Variants in PKIB observed in about 807,000 individuals in gnomAD.
PKIB encodes the protein cAMP-dependent protein kinase inhibitor beta, also known as PKI-beta.
In PKIB, 2 loss-of-function variants were observed where a neutral mutation model predicts 4.5. The observed-to-expected ratio is 0.44, with a 90% CI of 0.18 to 1.39. The LOEUF (loss-of-function observed/expected upper bound fraction) is 1.39, where lower values mean the gene tolerates loss of function less well. PKIB is among the 40% of genes most tolerant of loss of function. The pLI, the probability that PKIB is intolerant of heterozygous loss-of-function variation, is 0.27. For synonymous variants in PKIB, 38 were observed against 36.0 expected (o/e 1.06, Z -0.20); for missense variants, 94 against 92.6 (o/e 1.02, Z -0.06).
intron 3 of PKIB, among the ~76,000 whole-genome samples, chr6:122,707,331 A>G (rs1291892646): frequency 1.3e-5 from 2 of 152,172 alleles, no homozygotes; most frequent in South Asian, 2.1e-4. Context: ...ATAACTTAGA[A>G]AACAAATCAG....
At chr6:122,628,591 C>T (rs1210838297) in intron 1 of PKIB, among the ~76,000 whole-genome samples, 2 of 151,972 alleles carry the variant, frequency 1.3e-5, no homozygotes, top group African/African-American at 4.8e-5. Flanking sequence ...CAAAGTATGC[C>T]CTGTGCATTA....
intron 1 of PKIB, among the ~76,000 whole-genome samples, chr6:122,473,265 G>A (rs1318545362): frequency 6.6e-6 from 1 of 152,178 alleles, no homozygotes; most frequent in Non-Finnish European, 1.5e-5. Flanking sequence ...ACACTTATAT[G>A]TGAGTAACTT....
At chr6:122,489,608 C>A (rs1775881014) in intron 2 of PKIB, among the ~76,000 whole-genome samples, 1 of 152,190 alleles carries the variant, frequency 6.6e-6, no homozygotes, top group South Asian at 2.1e-4. Context: ...GTTAGGCTTT[C>A]CTGGACTGGC....
At chr6:122,698,035 C>A (rs1398791999) in intron 3 of PKIB, among the ~76,000 whole-genome samples, 1 of 152,126 alleles carries the variant, frequency 6.6e-6, no homozygotes, top group Admixed American at 6.6e-5. Context: ...ATGGCCAGGG[C>A]ATCCATTGCC....
At chr6:122,712,518 G>A (rs193082921) in intron 3 of PKIB, among the ~76,000 whole-genome samples, 1 of 152,158 alleles carries the variant, frequency 6.6e-6, no homozygotes, top group South Asian at 2.1e-4. Context: ...GTTATCAGGG[G>A]AGACCAGTGT....
intron 2 of PKIB, among the ~76,000 whole-genome samples, chr6:122,514,014 G>A (rs1336527358): frequency 6.6e-6 from 1 of 152,180 alleles, no homozygotes; most frequent in African/African-American, 2.4e-5. Context: ...CATCCTTGGT[G>A]ATTTAAAGTT....
At chr6:122,594,751 T>C (rs913789944) in intron 3 of PKIB, among the ~76,000 whole-genome samples, 1 of 152,194 alleles carries the variant, frequency 6.6e-6, no homozygotes, top group African/African-American at 2.4e-5. Flanking sequence ...GGACCATTTG[T>C]AGTCCTGCCT....
intron 3 of PKIB, among the ~76,000 whole-genome samples, chr6:122,601,856 G>A (rs910824381): frequency 2.0e-5 from 3 of 152,082 alleles, no homozygotes; most frequent in Admixed American, 2.0e-4. Flanking sequence ...TGTTCTGGGG[G>A]AGTCAAAAGT....
intron 2 of PKIB, among the ~76,000 whole-genome samples, chr6:122,498,006 C>T (rs577092185): frequency 1.3e-5 from 2 of 152,250 alleles, no homozygotes; most frequent in South Asian, 2.1e-4. Context: ...CAAAATAATA[C>T]CAACCATACT....
intron 2 of PKIB, among the ~76,000 whole-genome samples, chr6:122,556,224 T>G (rs1369213643): frequency 6.6e-6 from 1 of 152,140 alleles, no homozygotes; most frequent in Admixed American, 6.5e-5. Context: ...AAGGACGTGT[T>G]TTCTTCCCCT....
chr6:122,584,931 C>A (rs901800675), intron 2 of PKIB, among the ~76,000 whole-genome samples: 9 of 151,710 alleles, frequency 5.9e-5, no homozygotes, highest in African/African-American at 2.2e-4. Flanking sequence ...TGTCAGTTTA[C>A]CATTGCCATG....
intron 4 of PKIB, among the ~76,000 whole-genome samples, chr6:122,722,834 G>T (rs1779796779): frequency 6.6e-6 from 1 of 152,008 alleles, no homozygotes; most frequent in South Asian, 2.1e-4. Context: ...TGCTTCTGTG[G>T]CTCCAAATCT....
intron 3 of PKIB, among the ~76,000 whole-genome samples, chr6:122,600,206 G>C (rs1357912802): frequency 1.3e-5 from 2 of 152,148 alleles, no homozygotes; most frequent in Non-Finnish European, 2.9e-5. Context: ...GGAGAAAGAT[G>C]TAGGCTGGGA....
intron 4 of PKIB, among the ~76,000 whole-genome samples, chr6:122,723,637 C>T (rs1352719059): frequency 6.6e-6 from 1 of 152,070 alleles, no homozygotes; most frequent in Non-Finnish European, 1.5e-5. Context: ...GCTTGCAAAT[C>T]CTTCCTGCAT....
intron 3 of PKIB, among the ~76,000 whole-genome samples, chr6:122,703,243 G>A (rs985424726): frequency 6.6e-6 from 1 of 151,906 alleles, no homozygotes; most frequent in African/African-American, 2.4e-5. Flanking sequence ...AATTTTTATA[G>A]CCTTAATATA....
upstream of PKIB, among the ~76,000 whole-genome samples, chr6:122,606,769 A>G (rs1249843131): frequency 6.6e-6 from 1 of 151,988 alleles, no homozygotes; most frequent in Non-Finnish European, 1.5e-5. Context: ...ACCAGCATAT[A>G]AAAACATGGA....
chr6:122,719,781 G>A (rs1288493864), intron 4 of PKIB, among the ~76,000 whole-genome samples: 1 of 149,494 alleles, frequency 6.7e-6, no homozygotes, highest in Admixed American at 6.7e-5. Context: ...AGTATGTGAG[G>A]TAATGGATAT....
intron 3 of PKIB, among the ~76,000 whole-genome samples, chr6:122,701,824 A>C (rs1280895944): frequency 6.6e-6 from 1 of 152,204 alleles, no homozygotes; most frequent in Non-Finnish European, 1.5e-5. Context: ...AACACTGGAC[A>C]GATGAGATCC....
intron 2 of PKIB, chr6:122,483,525 G>C (rs1582649190): frequency 6.6e-6 from 1 of 151,988 alleles, no homozygotes; most frequent in Non-Finnish European, 1.5e-5. Flanking sequence ...AAAATAAGGG[G>C]AAAAAAACAC....
Sources: gnomAD v4.1 joint callset for allele counts (sites outside exome capture counted in the v4.1 genomes callset) on GRCh38, gnomAD v4.1.1 for gene constraint, MANE v1.5 for transcripts, NCBI Gene and HGNC (gene_info 2026-07-23, HGNC 2026-07-21) for gene names.